SLC2A9: variants seen among roughly 807,000 people sequenced by gnomAD.
SLC2A9 encodes the protein solute carrier family 2, facilitated glucose transporter member 9.
Under a neutral mutation model 50.6 loss-of-function variants are expected in SLC2A9, and 39 were observed. The ratio of observed to expected loss-of-function variants is 0.77; its 90% CI spans 0.60 to 1.01. The LOEUF (loss-of-function observed/expected upper bound fraction) is 1.01, where lower values mean the gene tolerates loss of function less well. Among genes scored for constraint, SLC2A9 ranks in the 50% least tolerant of loss-of-function variants. The pLI, the probability that SLC2A9 is intolerant of heterozygous loss-of-function variation, is 0.00. For synonymous variants in SLC2A9, 324 were observed against 276.9 expected (o/e 1.17, Z -1.69); for missense variants, 686 against 677.6 (o/e 1.01, Z -0.14).
At chr4:9,848,945 G>A (rs532155964) in intron 10 of SLC2A9, among the ~76,000 whole-genome samples, 91 of 152,230 alleles carry the variant, frequency 6.0e-4, no homozygotes, top group South Asian at 1.2e-3. Flanking sequence ...CTTGTGATCC[G>A]CCTGCCTCGG....
intron 1 of SLC2A9, among the ~76,000 whole-genome samples, chr4:9,774,784 T>C (rs1472429892): frequency 6.6e-6 from 1 of 152,030 alleles, no homozygotes; most frequent in Non-Finnish European, 1.5e-5. Flanking sequence ...TTTTTCCTTC[T>C]TTTTCTCTAT....
chr4:10,019,348 G>C (rs918330399), intron 1 of SLC2A9: 2 of 539,694 alleles, frequency 3.7e-6, no homozygotes, highest in South Asian at 2.2e-5. Flanking sequence ...GCAGTTTTCA[G>C]CAGCTGCTCT....
At chr4:9,798,245 G>A (rs947767537), downstream of SLC2A9, among the ~76,000 whole-genome samples, 4 of 152,132 alleles carry the variant, frequency 2.6e-5, no homozygotes, top group African/African-American at 9.7e-5. Flanking sequence ...GAAGTAGCAG[G>A]AGGCTTCCAG....
At chr4:9,869,850 G>A (rs1733122213) in intron 10 of SLC2A9, among the ~76,000 whole-genome samples, 1 of 152,226 alleles carries the variant, frequency 6.6e-6, no homozygotes, top group Non-Finnish European at 1.5e-5. Context: ...GGGCTGAGTG[G>A]TGGCCCCACA....
intron 1 of SLC2A9, 138 bp from the exon 2 acceptor site, chr4:10,019,211 G>A: frequency 1.4e-6 from 1 of 721,552 alleles, no homozygotes; most frequent in East Asian, 2.7e-5. Context: ...GAGACAGAGA[G>A]AAGAGACGCA....
intron 10 of SLC2A9, among the ~76,000 whole-genome samples, chr4:9,875,029 G>C (rs1345367007): frequency 6.9e-6 from 1 of 145,168 alleles, no homozygotes; most frequent in Non-Finnish European, 1.5e-5. Flanking sequence ...CTTTAGAAAT[G>C]GCCATAGGTT....
At chr4:9,800,588 T>C (rs1342290016) in intron 3 of SLC2A9, among the ~76,000 whole-genome samples, 1 of 152,238 alleles carries the variant, frequency 6.6e-6, no homozygotes, top group Non-Finnish European at 1.5e-5. Flanking sequence ...GTTTAATCCA[T>C]ACACTTTGTG....
rs150349587 is a variant in SLC2A9 at position 10,020,298 on chromosome 4, G to T, written c.150+982C>A. ...CAAGTGATATCAGCTTTACCTCCAG[G>T]GCCAGTCCCCTCAGCTGTAGGAGTC... is the stretch of plus-strand genomic sequence containing the variant. On this transcript the variant is annotated intron_variant, in intron 1 of 11. Transcript: ENST00000264784. Among the ~76,000 whole-genome samples the T allele has an allele frequency of 1.5e-3, 235 of 152,172 alleles. 1 individual carries two copies. The highest frequency in any genetic ancestry group is 5.6e-3 in the African/African-American group (231 of 41,514).
chr4:9,931,964 A>ATCTCTCTCTCTCTCTCTCTCTCTC (rs1746159437), intron 6 of SLC2A9, among the ~76,000 whole-genome samples: 1 of 22,246 alleles, frequency 4.5e-5, no homozygotes, highest in Non-Finnish European at 7.6e-5. Flanking sequence ...CTCTCTCTCT[A>ATCTCTCTCTCTCTCTCTCTCTCTC]TATATATATA....
chr4:9,783,045 C>A (rs767004427), intron 3 of SLC2A9: 2 of 1,614,226 alleles, frequency 1.2e-6, no homozygotes, highest in Non-Finnish European at 1.7e-6. Context: ...GTCAGTGAGA[C>A]CACCTTCGAC....
chr4:9,872,841 A>G (rs1733672580), intron 10 of SLC2A9, among the ~76,000 whole-genome samples: 1 of 152,244 alleles, frequency 6.6e-6, no homozygotes, highest in Non-Finnish European at 1.5e-5. Flanking sequence ...TTGTTCATAA[A>G]TAGTTAAAAG....
At chr4:9,942,080 C>A (rs776692625) in intron 5 of SLC2A9, 35 bp from the exon 6 acceptor site, 1 of 1,613,262 alleles carries the variant, frequency 6.2e-7, no homozygotes, top group South Asian at 1.1e-5. Flanking sequence ...AGTGCAGTGG[C>A]CTTTGGTCAT....
chr4:9,996,828 TC>T lies in SLC2A9; in HGVS notation c.362del (p.Gly121AspfsTer6). ...TCTTCACAATTAACGTCCCCACAAG[TC>T]CACCGATGGCGAATATGGACACAGT... ...SVTVSIFAIG[G>X]LVGTLIVKMI... On this transcript the variant is annotated frameshift_variant, in exon 3 of 12. Transcript: ENST00000264784. LOFTEE classifies it high-confidence loss of function. The T allele has an allele frequency of 2.5e-6, 4 of 1,614,130 alleles. No homozygotes were observed. The highest frequency in any genetic ancestry group is 3.4e-6 in the Non-Finnish European group (4 of 1,180,006).
At chr4:9,823,156 C>A (rs911460353), downstream of SLC2A9, among the ~76,000 whole-genome samples, 8 of 152,020 alleles carry the variant, frequency 5.3e-5, no homozygotes, top group South Asian at 2.1e-4. Context: ...TTTTAGCGAA[C>A]CTGAAAAGAA....
intron 10 of SLC2A9, among the ~76,000 whole-genome samples, chr4:9,885,334 C>A (rs1736006232): frequency 6.6e-6 from 1 of 152,176 alleles, no homozygotes; most frequent in Admixed American, 6.5e-5. Flanking sequence ...TATATTTGTT[C>A]TTTCTCTGAA....
chr4:9,942,633 A>T (rs1210927664), intron 5 of SLC2A9, among the ~76,000 whole-genome samples: 2 of 152,196 alleles, frequency 1.3e-5, no homozygotes, highest in Non-Finnish European at 2.9e-5. Context: ...CCAGCCAGCT[A>T]TGAAAGGCAA....
At chr4:9,787,590 TATTCAGACTTC>T (rs1262293357) in intron 3 of SLC2A9, among the ~76,000 whole-genome samples, 1 of 152,244 alleles carries the variant, frequency 6.6e-6, no homozygotes, top group East Asian at 1.9e-4. Flanking sequence ...CTACAGACTT[TATTCAGACTTC>T]ATGATAATGT....
At chr4:9,959,080 G>A (rs1011179734) in intron 5 of SLC2A9, among the ~76,000 whole-genome samples, 4 of 152,074 alleles carry the variant, frequency 2.6e-5, no homozygotes, top group Non-Finnish European at 5.9e-5. Flanking sequence ...GGTTAGAGAA[G>A]GGGAAGGGAG....
intron 3 of SLC2A9, among the ~76,000 whole-genome samples, chr4:9,993,482 A>G (rs1758064603): frequency 1.3e-5 from 2 of 152,184 alleles, no homozygotes; most frequent in Admixed American, 6.5e-5. Flanking sequence ...CACATCCACC[A>G]TTTCATTTAA....
Sources: gnomAD v4.1 joint callset for allele counts (sites outside exome capture counted in the v4.1 genomes callset) on GRCh38, gnomAD v4.1.1 for gene constraint, MANE v1.5 for transcripts, NCBI Gene and HGNC (gene_info 2026-07-23, HGNC 2026-07-21) for gene names.